The following RGS1 variants were observed in gnomAD, a reference collection of about 807,000 sequenced individuals.
RGS1 encodes the protein B-cell activation protein BL34.
Under a neutral mutation model 22.2 loss-of-function variants are expected in RGS1, and 11 were observed. The observed-to-expected ratio is 0.50, with a 90% CI of 0.31 to 0.82. The LOEUF (loss-of-function observed/expected upper bound fraction) is 0.82. RGS1 is among the 40% of genes least tolerant of loss of function. The probability of loss-of-function intolerance (pLI) is 0.04; values close to 1 mark genes in which losing one functional copy is unlikely to be tolerated. For missense variants in RGS1, 255 were observed against 245.8 expected, an observed-to-expected ratio of 1.04 and a Z score of -0.25; for synonymous variants, 81 against 79.9, an observed-to-expected ratio of 1.01 and a Z score of -0.07.
At chr1:192,578,538 A>G (rs1188127363) in intron 4 of RGS1, 153 bp downstream of exon 4, 2 of 846,356 alleles carry the variant, frequency 2.4e-6, no homozygotes, top group Non-Finnish European at 3.6e-6. Flanking sequence ...TGCAATGAGA[A>G]TCTAATTTTC....
rs1207225546 is a variant in RGS1 at position 192,579,730 on chromosome 1, G to A, written c.*408G>A. Reference sequence around the variant, plus strand: ...ATATAGTTTGTACTGAGCTATTGAAGTCCCATTAACTTAAAGTATATGTTT... The same window carrying A: ...ATATAGTTTGTACTGAGCTATTGAAATCCCATTAACTTAAAGTATATGTTT... On this transcript the variant is annotated 3_prime_UTR_variant, in exon 5 of 5. Coordinates refer to ENST00000367459, the MANE Select transcript of RGS1 (RefSeq NM_002922.4). 1 of 154,476 alleles carries A rather than the reference G, an allele frequency of 6.5e-6. No individual in the cohort carries two copies. The highest frequency in any genetic ancestry group is 1.4e-5 in the Non-Finnish European group (1 of 69,640). 9.6% of individuals were successfully genotyped at this position (154,476 alleles called of 1,614,324 possible).
At chr1:192,576,591 G>T (rs1571548170) in intron 2 of RGS1, 183 bp from the exon 3 acceptor site, 1 of 603,142 alleles carries the variant, frequency 1.7e-6, no homozygotes, top group Non-Finnish European at 2.7e-6. Flanking sequence ...TTATTGGCAG[G>T]TTTTTTTTTT....
chr1:192,576,024 G>C, intron 1 of RGS1, 95 bp downstream of exon 1: 1 of 1,450,496 alleles, frequency 6.9e-7, no homozygotes, highest in South Asian at 1.3e-5. Flanking sequence ...TGAGCATTTA[G>C]TTTAGCCAGA....
At position 192,578,789 on chromosome 1, in the gene RGS1, C is replaced by G. The variant is rs141489593; in HGVS notation, c.445-348C>G. The stretch of plus-strand genomic sequence containing the variant: ...ACCAGATAAATATTCTTGGTCCAAG[C>G]AGAAAATATCAACAAAAAGAGCCTT... On this transcript the variant is annotated intron_variant, in intron 4 of 4. Coordinates refer to ENST00000367459, the MANE Select transcript of RGS1 (RefSeq NM_002922.4). 5.7e-3 allele frequency: 2,040 copies of G among 355,662 alleles called. 9 individuals are homozygous for G. Among genetic ancestry groups the G allele is most frequent in the Admixed American group, 9.9e-3 (231 of 23,306 alleles). 22.0% of individuals were successfully genotyped at this position (355,662 alleles called of 1,614,324 possible).
At chr1:192,578,061 T>A in intron 3 of RGS1, 161 bp from the exon 4 acceptor site, 1 of 822,056 alleles carries the variant, frequency 1.2e-6, no homozygotes, top group Non-Finnish European at 1.8e-6. Flanking sequence ...TGACTTCTCA[T>A]CTCTACAATC....
Position 192,579,358 on chromosome 1 carries a change from CA to C in RGS1, c.*38del. The C allele has an allele frequency of 6.2e-7, 1 of 1,600,628 alleles. No individual in the cohort carries two copies. The highest frequency in any genetic ancestry group is 8.5e-7 in the Non-Finnish European group (1 of 1,171,902). ...GCTGAAGGGAATTAACAGATAGTAT[CA>C]AGCGCAGAAGGAATGTGCCAGTATG... On this transcript the variant is annotated 3_prime_UTR_variant, in exon 5 of 5. Coordinates refer to ENST00000367459, the MANE Select transcript of RGS1 (RefSeq NM_002922.4).
intron 2 of RGS1, 28 bp downstream of exon 2, chr1:192,576,393 A>T: frequency 6.7e-7 from 1 of 1,488,264 alleles, no homozygotes; most frequent in Non-Finnish European, 9.4e-7. Context: ...CTAAACTATC[A>T]TTATCATTTA....
At position 192,579,354 on chromosome 1, in the gene RGS1, G is replaced by C. The variant is rs375687227; in HGVS notation, c.*32G>C. ...CCTGGCTGAAGGGAATTAACAGATA[G>C]TATCAAGCGCAGAAGGAATGTGCCA... On this transcript the variant is annotated 3_prime_UTR_variant, in exon 5 of 5. Coordinates refer to ENST00000367459, the MANE Select transcript of RGS1 (RefSeq NM_002922.4). The C allele has an allele frequency of 8.1e-6, 13 of 1,604,022 alleles. No individual in the cohort carries two copies. The highest frequency in any genetic ancestry group is 1.1e-5 in the Non-Finnish European group (13 of 1,174,192).
chr1:192,579,298 C>T lies in RGS1; in HGVS notation c.606C>T (p.Asp202=). 6.2e-7 allele frequency: 1 copy of T among 1,612,712 alleles called. No individual in the cohort carries two copies. Among genetic ancestry groups the T allele is most frequent in the South Asian group, 1.1e-5 (1 of 91,038 alleles). The change falls in exon 5 of 5, where the codon GAC becomes GAT. Residue 202 remains aspartate (D), a synonymous_variant. Coordinates refer to ENST00000367459, the MANE Select transcript of RGS1 (RefSeq NM_002922.4). The part of the protein sequence containing the change: ...KSDIYLNLLN[D]LQANSLK ...ATATTTACTTAAATCTTCTAAATGA[C>T]CTGCAGGCTAATAGCCTAAAGTGAC...
At chr1:192,578,589 G>A (rs1428872593) in intron 4 of RGS1, 2 of 636,452 alleles carry the variant, frequency 3.1e-6, no homozygotes, top group Non-Finnish European at 5.2e-6. Flanking sequence ...TAAAGAGACT[G>A]ATTTTACAAA....
At position 192,579,284 on chromosome 1, in the gene RGS1, A is replaced by T; in HGVS notation, c.592A>T (p.Asn198Tyr). ...GTTCCTCAAATCAGATATTTACTTA[A>T]ATCTTCTAAATGACCTGCAGGCTAA... Reference protein sequence around the residue: ...PRFLKSDIYLNLLNDLQANSL... With the variant: ...PRFLKSDIYLYLLNDLQANSL... Residue 198 changes from asparagine to tyrosine, a missense_variant, in exon 5 of 5, where the codon AAT (asparagine) becomes TAT (tyrosine). By Grantham distance (143) the Asn-to-Tyr change is moderately radical (BLOSUM62 -2). Transcript: ENST00000367459. 6.2e-7 allele frequency: 1 copy of T among 1,612,994 alleles called. No homozygotes were observed. The highest frequency in any genetic ancestry group is 8.5e-7 in the Non-Finnish European group (1 of 1,179,318).
rs1662128690 is a variant in RGS1, at chr1:192,579,440, C to A, written c.*118C>A. 1 of 847,506 alleles carries A rather than the reference C, an allele frequency of 1.2e-6. No individual in the cohort carries two copies. The highest frequency in any genetic ancestry group is 1.9e-6 in the Non-Finnish European group (1 of 537,322). 52.5% of individuals were successfully genotyped at this position (847,506 alleles called of 1,614,324 possible). On this transcript the variant is annotated 3_prime_UTR_variant, in exon 5 of 5. Transcript: ENST00000367459. ...GGGTGTCTTGACAGGCCAAGAAGAA[C>A]AAATGACTCAGAATGGATTAACATG...
At chr1:192,576,037 A>T in intron 1 of RGS1, 108 bp downstream of exon 1, 1 of 1,324,202 alleles carries the variant, frequency 7.6e-7, no homozygotes, top group South Asian at 1.4e-5. Context: ...TAGCCAGATC[A>T]GAGGAGTTAA....
intron 4 of RGS1, 200 bp from the exon 5 acceptor site, chr1:192,578,937 G>T: frequency 1.8e-6 from 1 of 547,592 alleles, no homozygotes; most frequent in Non-Finnish European, 3.1e-6. Flanking sequence ...GAGGAAATTT[G>T]GAACAAAGAC....
At chr1:192,578,577 A>C (rs999571282) in intron 4 of RGS1, 192 bp downstream of exon 4, 4 of 678,062 alleles carry the variant, frequency 5.9e-6, no homozygotes, top group Non-Finnish European at 9.7e-6. Context: ...AGCACAGTAG[A>C]ATAAAGAGAC....
intron 1 of RGS1, 146 bp from the exon 2 acceptor site, chr1:192,576,139 G>A: frequency 3.4e-6 from 3 of 888,030 alleles, no homozygotes; most frequent in Non-Finnish European, 5.1e-6. Context: ...TCTCTACACA[G>A]GCTCATAAAA....
Position 192,575,901 on chromosome 1 carries a change from A to C in RGS1, c.109A>C (p.Lys37Gln). 1.2e-6 allele frequency: 2 copies of C among 1,613,208 alleles called. No individual in the cohort carries two copies. The highest frequency in any genetic ancestry group is 1.7e-6 in the Non-Finnish European group (2 of 1,179,372). ...AACCACTCATTCACTTCTAGACGAC[A>C]AAATGCAAAAAAGGAGGCCAAAGAC... ...KGTTHSLLDD[K>Q]MQKRRPKTFG... Residue 37 changes from lysine to glutamine, a missense_variant, in exon 1 of 5, where the codon AAA becomes CAA. Physicochemically the swap from Lys to Gln is moderately conservative, Grantham distance 53. Coordinates refer to ENST00000367459, the MANE Select transcript of RGS1 (RefSeq NM_002922.4).
In RGS1 at chr1:192,579,401, G is replaced by A; in HGVS notation, c.*79G>A. The stretch of plus-strand genomic sequence containing the variant: ...GCCAGTATGGCTCCCTGGGTGAACA[G>A]CTTGGCCTTTTTTGGGTGTCTTGAC... On this transcript the variant is annotated 3_prime_UTR_variant, in exon 5 of 5. Transcript: ENST00000367459. 1 of 1,421,180 alleles carries A rather than the reference G, an allele frequency of 7.0e-7. No homozygotes were observed. Among genetic ancestry groups the A allele is most frequent in the Non-Finnish European group, 9.7e-7 (1 of 1,035,230 alleles). The allele number at this position is 1,421,180 out of a possible 1,614,324, so 88.0% of individuals were successfully genotyped here.
intron 3 of RGS1, 33 bp from the exon 4 acceptor site, chr1:192,578,189 T>C (rs1368582244): frequency 6.4e-7 from 1 of 1,571,110 alleles, no homozygotes; most frequent in Non-Finnish European, 8.6e-7. Context: ...TTTAATTTAA[T>C]TATCTCCCCA....
Sources: allele counts gnomAD v4.1 joint callset, GRCh38; gene constraint gnomAD v4.1.1; transcripts MANE v1.5; gene names NCBI Gene and HGNC (gene_info 2026-07-23, HGNC 2026-07-21).